Variants in DRC11 observed in about 807,000 individuals in gnomAD.
The protein encoded by DRC11 is IQ and AAA domain-containing protein 1.
the DRC11 span, among the ~76,000 whole-genome samples, chr2:236,397,439 T>C: frequency 7.9e-5 from 12 of 152,272 alleles, no homozygotes; most frequent in African/African-American, 2.9e-4. This position sits in a 1 kb window ranked among gnomAD's most constrained non-coding sequence, Gnocchi z 5.0. Context: ...GAGTCCCTTC[T>C]TGGGACATCC....
the DRC11 span, among the ~76,000 whole-genome samples, chr2:236,326,965 C>T: frequency 6.6e-6 from 1 of 152,004 alleles, no homozygotes; most frequent in Non-Finnish European, 1.5e-5. Flanking sequence ...AGTGATCCAC[C>T]TGCCTTGGCC....
the DRC11 span, among the ~76,000 whole-genome samples, chr2:236,453,721 C>A: frequency 1.3e-5 from 2 of 152,134 alleles, no homozygotes; most frequent in African/African-American, 4.8e-5. The surrounding 1 kb of genome is among the most constrained non-coding windows in gnomAD (Gnocchi z 4.9). Context: ...CTCACTGCAA[C>A]CTCCACCTCC....
chr2:236,378,837 G>A, the DRC11 span, among the ~76,000 whole-genome samples: 1 of 152,084 alleles, frequency 6.6e-6, no homozygotes, highest in Non-Finnish European at 1.5e-5. Context: ...CCAGGAACTG[G>A]GGCACCTGAG....
At chr2:236,459,689 A>ATACGTATATACGTATATACG in the DRC11 span, among the ~76,000 whole-genome samples, 3 of 129,082 alleles carry the variant, frequency 2.3e-5, no homozygotes, top group African/African-American at 5.8e-5. Context: ...ATGTATATAC[A>ATACGTATATACGTATATACG]TATATACATA....
the DRC11 span, among the ~76,000 whole-genome samples, chr2:236,357,081 C>CGTATAT: frequency 2.0e-5 from 2 of 98,328 alleles, no homozygotes; most frequent in African/African-American, 1.1e-4. Context: ...TATTATATAT[C>CGTATAT]TATATATTTT....
chr2:236,399,778 A>T, the DRC11 span, among the ~76,000 whole-genome samples: 2 of 151,960 alleles, frequency 1.3e-5, no homozygotes, highest in African/African-American at 2.4e-5. This position sits in a 1 kb window ranked among gnomAD's most constrained non-coding sequence, Gnocchi z 7.0. Context: ...TGATTAAAAA[A>T]CTTTCTTTCT....
At chr2:236,423,231 C>T in the DRC11 span, among the ~76,000 whole-genome samples, 3 of 151,704 alleles carry the variant, frequency 2.0e-5, no homozygotes, top group Non-Finnish European at 2.9e-5. Context: ...AGCTTCTGCA[C>T]AGCAAAAGAA....
At chr2:236,418,829 A>G in the DRC11 span, among the ~76,000 whole-genome samples, 3 of 152,232 alleles carry the variant, frequency 2.0e-5, no homozygotes, top group African/African-American at 7.2e-5. Context: ...TCTCTCTACC[A>G]TTGAGGAAAG....
the DRC11 span, among the ~76,000 whole-genome samples, chr2:236,386,921 C>T: frequency 1.4e-3 from 204 of 144,660 alleles, 7 homozygotes; most frequent in South Asian, 0.042. Flanking sequence ...TCGTTATGTA[C>T]CCAGTAGTCA....
At chr2:236,340,402 G>C in the DRC11 span, among the ~76,000 whole-genome samples, 3 of 152,236 alleles carry the variant, frequency 2.0e-5, no homozygotes, top group Non-Finnish European at 4.4e-5. Flanking sequence ...GGGATTACAA[G>C]TGTGAGCCAC....
chr2:236,472,472 G>GT, the DRC11 span, among the ~76,000 whole-genome samples: 1 of 152,208 alleles, frequency 6.6e-6, no homozygotes, highest in Non-Finnish European at 1.5e-5. This position sits in a 1 kb window ranked among gnomAD's most constrained non-coding sequence, Gnocchi z 4.6. Context: ...ACGTTTTATA[G>GT]TTGAAACTCA....
the DRC11 span, chr2:236,344,429 C>G: frequency 1.5e-6 from 1 of 651,894 alleles, no homozygotes; most frequent in Non-Finnish European, 2.8e-6. Flanking sequence ...GAGACCACTA[C>G]AGAGAGCCCC....
At chr2:236,423,440 AC>A in the DRC11 span, among the ~76,000 whole-genome samples, 5 of 152,278 alleles carry the variant, frequency 3.3e-5, no homozygotes, top group Non-Finnish European at 7.3e-5. Flanking sequence ...GCCAAACGAC[AC>A]ATGAAAACAT....
At chr2:236,407,099 T>A in the DRC11 span, among the ~76,000 whole-genome samples, 1 of 152,222 alleles carries the variant, frequency 6.6e-6, no homozygotes, top group Non-Finnish European at 1.5e-5. Context: ...TTTCTGCTCA[T>A]GCATTTGCGA....
the DRC11 span, among the ~76,000 whole-genome samples, chr2:236,355,270 G>A: frequency 6.6e-6 from 1 of 152,264 alleles, no homozygotes; most frequent in Non-Finnish European, 1.5e-5. Flanking sequence ...CACATGGTCA[G>A]TGTGGCCCAC....
chr2:236,449,678 G>A, the DRC11 span, among the ~76,000 whole-genome samples: 2,846 of 152,206 alleles, frequency 0.019, 86 homozygotes, highest in African/African-American at 0.064. This position sits in a 1 kb window ranked among gnomAD's most constrained non-coding sequence, Gnocchi z 5.1. Flanking sequence ...TGCTAGCCCC[G>A]CAGCAATCTG....
At chr2:236,420,654 C>T in the DRC11 span, among the ~76,000 whole-genome samples, 1 of 151,990 alleles carries the variant, frequency 6.6e-6, no homozygotes, top group Non-Finnish European at 1.5e-5. The surrounding 1 kb of genome is among the most constrained non-coding windows in gnomAD (Gnocchi z 4.8). Context: ...AAAAAAAACA[C>T]AAAACATTAG....
At chr2:236,413,059 T>G in the DRC11 span, among the ~76,000 whole-genome samples, 1 of 152,146 alleles carries the variant, frequency 6.6e-6, no homozygotes, top group African/African-American at 2.4e-5. The surrounding 1 kb of genome is among the most constrained non-coding windows in gnomAD (Gnocchi z 4.0). Context: ...TCCATATCCC[T>G]CATGAAGCCT....
At chr2:236,380,477 C>A in the DRC11 span, 5 of 927,062 alleles carry the variant, frequency 5.4e-6, no homozygotes, top group South Asian at 1.4e-5. This position sits in a 1 kb window ranked among gnomAD's most constrained non-coding sequence, Gnocchi z 4.9. Flanking sequence ...ATGAAGAGGG[C>A]GTGGCATCAC....
Sources: gnomAD v4.1 joint callset for allele counts (sites outside exome capture counted in the v4.1 genomes callset) on GRCh38, gnomAD v4.1.1 for gene constraint, Gnocchi (gnomAD v3.1) non-coding constraint, MANE v1.5 for transcripts, NCBI Gene and HGNC (gene_info 2026-07-23, HGNC 2026-07-21) for gene names.